Variants in DDC observed in about 807,000 individuals in gnomAD.
DDC encodes aromatic-L-amino-acid decarboxylase.
DDC carries 43 observed loss-of-function variants against 60.0 expected under a neutral mutation model. The observed-to-expected ratio is 0.72, with a 90% confidence interval of 0.56 to 0.92. The LOEUF (loss-of-function observed/expected upper bound fraction) is 0.92. DDC is among the 40% of genes least tolerant of loss of function. DDC has a pLI of 0.00. For missense variants in DDC, 573 were observed against 620.2 expected (o/e 0.92, Z 0.81); for synonymous variants, 232 against 234.6 (o/e 0.99, Z 0.10).
At chr7:50,467,690 A>G (rs898481172) in intron 12 of DDC, among the ~76,000 whole-genome samples, 2 of 152,228 alleles carry the variant, frequency 1.3e-5, no homozygotes, top group Non-Finnish European at 2.9e-5. Flanking sequence ...GCCAGCGCTC[A>G]CCACTGCGGC....
At chr7:50,555,548 C>T (rs78489252) in intron 1 of DDC, among the ~76,000 whole-genome samples, 1,640 of 152,218 alleles carry the variant, frequency 0.011, 33 homozygotes, top group African/African-American at 0.038. Context: ...CACACACATA[C>T]GCACACACAC....
At chr7:50,563,565 A>G (rs893051043) in intron 1 of DDC, among the ~76,000 whole-genome samples, 1 of 152,148 alleles carries the variant, frequency 6.6e-6, no homozygotes, top group African/African-American at 2.4e-5. Context: ...ACTGCAACAT[A>G]TTCTTGGCAG....
chr7:50,546,764 T>C (rs1563046998), intron 1 of DDC, among the ~76,000 whole-genome samples: 1 of 152,244 alleles, frequency 6.6e-6, no homozygotes, highest in Non-Finnish European at 1.5e-5. Context: ...AGGATGCATT[T>C]CTCAGCTAGT....
intron 12 of DDC, among the ~76,000 whole-genome samples, chr7:50,468,803 A>G (rs1286568285): frequency 6.6e-6 from 1 of 152,058 alleles, no homozygotes; most frequent in Non-Finnish European, 1.5e-5. Flanking sequence ...GTCCATCAAG[A>G]TGAGGCCACA....
intron 7 of DDC, among the ~76,000 whole-genome samples, chr7:50,500,956 C>A (rs1385632524): frequency 6.6e-6 from 1 of 152,218 alleles, no homozygotes; most frequent in Non-Finnish European, 1.5e-5. Context: ...GTGGGCATGC[C>A]TCTGCATTCT....
intron 1 of DDC, among the ~76,000 whole-genome samples, chr7:50,549,141 TCA>T (rs1393781792): frequency 6.6e-6 from 1 of 152,176 alleles, no homozygotes; most frequent in African/African-American, 2.4e-5. Context: ...ACCTGGTCAC[TCA>T]AGAGCAAGAT....
At chr7:50,539,048 G>C (rs1214082311) in intron 3 of DDC, 1 of 152,436 alleles carries the variant, frequency 6.6e-6, no homozygotes, top group Non-Finnish European at 1.5e-5. Flanking sequence ...AAGCAGAGGT[G>C]GCTCAGCTGG....
chr7:50,509,255 T>C (rs1023309453), intron 6 of DDC, among the ~76,000 whole-genome samples: 3 of 152,160 alleles, frequency 2.0e-5, no homozygotes, highest in African/African-American at 7.2e-5. Flanking sequence ...TTGGCCCACA[T>C]CTGTGGCTTC....
chr7:50,536,716 A>G (rs1436205042), intron 4 of DDC, among the ~76,000 whole-genome samples: 2 of 152,368 alleles, frequency 1.3e-5, no homozygotes, highest in East Asian at 3.9e-4. Flanking sequence ...ACATCAATAG[A>G]AACAAATACA....
chr7:50,507,483 C>T (rs1445801942), intron 6 of DDC, among the ~76,000 whole-genome samples: 4 of 152,208 alleles, frequency 2.6e-5, no homozygotes, highest in East Asian at 1.9e-4. Context: ...TCACCCACCT[C>T]GGTCTCCCAA....
chr7:50,535,982 A>AC (rs2044394730), intron 4 of DDC, among the ~76,000 whole-genome samples: 1 of 152,074 alleles, frequency 6.6e-6, no homozygotes, highest in Non-Finnish European at 1.5e-5. Flanking sequence ...AAATCTTGGG[A>AC]CCCCCAAATC....
intron 13 of DDC, among the ~76,000 whole-genome samples, chr7:50,466,284 T>C (rs1224263344): frequency 6.6e-6 from 1 of 152,042 alleles, no homozygotes; most frequent in Non-Finnish European, 1.5e-5. Flanking sequence ...GGTCAGAAGT[T>C]CGAGACCAGC....
intron 1 of DDC, among the ~76,000 whole-genome samples, chr7:50,550,492 A>G (rs2044956614): frequency 6.6e-6 from 1 of 152,214 alleles, no homozygotes; most frequent in Non-Finnish European, 1.5e-5. Flanking sequence ...GACAGGTCTC[A>G]GTTAATTTAG....
chr7:50,467,338 C>A, intron 12 of DDC, 23 bp from the exon 13 acceptor site: 1 of 1,596,072 alleles, frequency 6.3e-7, no homozygotes, highest in South Asian at 1.1e-5. Context: ...AAGGGAAAAT[C>A]TGTTTTTCTC....
intron 12 of DDC, among the ~76,000 whole-genome samples, 180 bp downstream of exon 12, chr7:50,469,893 C>T (rs991359650): frequency 5.3e-5 from 8 of 151,598 alleles, no homozygotes; most frequent in Non-Finnish European, 1.0e-4. Context: ...GCAGGAGATT[C>T]GCTTGAACCC....
At chr7:50,472,202 C>CT (rs992935186) in intron 11 of DDC, among the ~76,000 whole-genome samples, 1 of 152,158 alleles carries the variant, frequency 6.6e-6, no homozygotes, top group African/African-American at 2.4e-5. Flanking sequence ...GAAAGGGACT[C>CT]TGTCTCATTT....
chr7:50,553,999 A>G (rs1346702815), intron 1 of DDC, among the ~76,000 whole-genome samples: 1 of 152,218 alleles, frequency 6.6e-6, no homozygotes, highest in Admixed American at 6.5e-5. Flanking sequence ...CAGGCCACTA[A>G]GAAGCTTTAC....
intron 7 of DDC, among the ~76,000 whole-genome samples, chr7:50,501,108 C>T: frequency 6.6e-6 from 1 of 152,208 alleles, no homozygotes; most frequent in Non-Finnish European, 1.5e-5. Context: ...TGAGGCAAGG[C>T]TGCCTCAGTG....
intron 11 of DDC, among the ~76,000 whole-genome samples, chr7:50,471,862 A>G (rs903531230): frequency 1.3e-5 from 2 of 152,196 alleles, no homozygotes; most frequent in African/African-American, 4.8e-5. Flanking sequence ...ACAGTCAGTA[A>G]AACGACGCTT....
Sources: allele counts gnomAD v4.1 joint callset (sites outside exome capture counted in the v4.1 genomes callset), GRCh38; gene constraint gnomAD v4.1.1; transcripts MANE v1.5; gene names NCBI Gene and HGNC (gene_info 2026-07-23, HGNC 2026-07-21).